Variants in RNF6 observed in about 807,000 individuals in gnomAD.
RNF6 encodes the protein ring finger protein 6.
A neutral mutation model predicts 50.1 loss-of-function variants in RNF6; 21 were observed. The observed-to-expected ratio is 0.42, with a 90% CI of 0.30 to 0.60. The LOEUF (loss-of-function observed/expected upper bound fraction) is 0.60. RNF6 is among the 20% of genes least tolerant of loss of function. The pLI is 0.20. For missense variants in RNF6, 698 were observed against 838.2 expected, an observed-to-expected ratio of 0.83 and a Z score of 2.07; for synonymous variants, 255 against 291.8, an observed-to-expected ratio of 0.87 and a Z score of 1.29.
chr13:26,186,350 G>C (rs1873524361), intron 5 of RNF6, among the ~76,000 whole-genome samples: 1 of 152,258 alleles, frequency 6.6e-6, no homozygotes. Flanking sequence ...AGGCCAGTGC[G>C]TGTGTAAGAC....
At chr13:26,154,511 A>T (rs918781736) in intron 5 of RNF6, among the ~76,000 whole-genome samples, 1 of 152,208 alleles carries the variant, frequency 6.6e-6, no homozygotes, top group African/African-American at 2.4e-5. Flanking sequence ...CTAATGATTG[A>T]GACCATTTGT....
intron 5 of RNF6, among the ~76,000 whole-genome samples, chr13:26,144,516 A>T (rs919384668): frequency 2.6e-5 from 4 of 152,150 alleles, no homozygotes; most frequent in African/African-American, 7.2e-5. Flanking sequence ...TCCATGAGTC[A>T]GTATATAATT....
intron 5 of RNF6, chr13:26,154,070 C>T (rs1319413145): frequency 6.6e-6 from 1 of 152,188 alleles, no homozygotes. Flanking sequence ...TGTTCAAAAA[C>T]ATTACCTGCA....
intron 5 of RNF6, among the ~76,000 whole-genome samples, chr13:26,177,855 T>C (rs1278046567): frequency 6.6e-6 from 1 of 152,216 alleles, no homozygotes; most frequent in Non-Finnish European, 1.5e-5. Flanking sequence ...TGTTATTTCT[T>C]TCTAAAACAC....
At chr13:26,190,123 G>A (rs572064622) in intron 5 of RNF6, among the ~76,000 whole-genome samples, 14 of 152,158 alleles carry the variant, frequency 9.2e-5, no homozygotes, top group South Asian at 2.1e-4. Flanking sequence ...GAAACCGATC[G>A]AATGTGGTTT....
intron 5 of RNF6, among the ~76,000 whole-genome samples, chr13:26,135,365 A>T (rs918908763): frequency 3.3e-5 from 5 of 151,954 alleles, no homozygotes; most frequent in South Asian, 2.1e-4. Context: ...TTCCCTTTAT[A>T]ATAATAATAA....
chr13:26,190,010 T>C (rs1256892433), intron 5 of RNF6, among the ~76,000 whole-genome samples: 2 of 152,208 alleles, frequency 1.3e-5, no homozygotes, highest in Non-Finnish European at 2.9e-5. Context: ...GCATTAGAAA[T>C]CCAACACAGG....
intron 5 of RNF6, among the ~76,000 whole-genome samples, chr13:26,181,493 A>AT (rs1157680239): frequency 6.6e-6 from 1 of 152,192 alleles, no homozygotes; most frequent in Non-Finnish European, 1.5e-5. Flanking sequence ...CTGCACAGCC[A>AT]TAACCACTGC....
At chr13:26,198,872 T>C (rs1201327188) in intron 5 of RNF6, among the ~76,000 whole-genome samples, 1 of 151,820 alleles carries the variant, frequency 6.6e-6, no homozygotes, top group Non-Finnish European at 1.5e-5. Flanking sequence ...TGTGAAAAAA[T>C]AACATTTACA....
intron 5 of RNF6, among the ~76,000 whole-genome samples, chr13:26,170,759 A>G (rs936354857): frequency 1.4e-4 from 22 of 152,224 alleles, no homozygotes; most frequent in African/African-American, 4.8e-5. Flanking sequence ...AAAAAATTGT[A>G]TGATTCTTAA....
intron 5 of RNF6, among the ~76,000 whole-genome samples, chr13:26,181,797 A>G (rs1873256309): frequency 6.6e-6 from 1 of 152,214 alleles, no homozygotes; most frequent in East Asian, 1.9e-4. Flanking sequence ...ACAGGTTCTT[A>G]ATTATACTCT....
intron 3 of RNF6, 79 bp from the exon 4 acceptor site, chr13:26,218,685 T>C: frequency 9.7e-7 from 1 of 1,034,962 alleles, no homozygotes; most frequent in Non-Finnish European, 1.5e-6. Flanking sequence ...GACTAATCTT[T>C]AGTAACCTAT....
chr13:26,174,219 T>A (rs1362942566), intron 5 of RNF6, among the ~76,000 whole-genome samples: 1 of 152,162 alleles, frequency 6.6e-6, no homozygotes, highest in Non-Finnish European at 1.5e-5. Flanking sequence ...ATCCTCTCGG[T>A]GCCTGTCTCA....
chr13:26,185,580 A>G (rs1169300689), intron 5 of RNF6, among the ~76,000 whole-genome samples: 3 of 152,078 alleles, frequency 2.0e-5, no homozygotes, highest in Non-Finnish European at 2.9e-5. Context: ...CCCCGTCTCT[A>G]CTAAAAATAC....
chr13:26,208,159 G>A (rs1324107722), downstream of RNF6, among the ~76,000 whole-genome samples: 1 of 152,218 alleles, frequency 6.6e-6, no homozygotes, highest in Admixed American at 6.5e-5. Flanking sequence ...TTGTTTGCAA[G>A]GTTGGCTCTT....
intron 5 of RNF6, among the ~76,000 whole-genome samples, chr13:26,206,189 C>A (rs572959316): frequency 2.0e-4 from 30 of 152,096 alleles, no homozygotes; most frequent in African/African-American, 5.8e-4. Context: ...GCCTCCCCCC[C>A]ACCACCCTCC....
chr13:26,210,271 T>G (rs1223093929), downstream of RNF6, among the ~76,000 whole-genome samples: 1 of 152,214 alleles, frequency 6.6e-6, no homozygotes, highest in African/African-American at 2.4e-5. Flanking sequence ...ATTAACACCC[T>G]GGCTTTCATG....
At chr13:26,148,632 T>TTATATATGTATA (rs1555314574) in intron 5 of RNF6, among the ~76,000 whole-genome samples, 3 of 47,086 alleles carry the variant, frequency 6.4e-5, no homozygotes, top group African/African-American at 3.2e-4. Context: ...ATAAATCTCT[T>TTATATATGTATA]TATATATATA....
At chr13:26,158,715 C>T (rs1430171424) in intron 5 of RNF6, among the ~76,000 whole-genome samples, 1 of 151,956 alleles carries the variant, frequency 6.6e-6, no homozygotes, top group Non-Finnish European at 1.5e-5. Context: ...AGGTGAATGT[C>T]TGTGTGTGGG....
Sources: gnomAD v4.1 joint callset for allele counts (sites outside exome capture counted in the v4.1 genomes callset) on GRCh38, gnomAD v4.1.1 for gene constraint, MANE v1.5 for transcripts, NCBI Gene and HGNC (gene_info 2026-07-23, HGNC 2026-07-21) for gene names.